Variants in DIPK2B observed in about 807,000 individuals in gnomAD.
DIPK2B encodes the protein UPF0672 protein CXorf36.
Under a neutral mutation model 22.2 loss-of-function variants are expected in DIPK2B, and 15 were observed. The observed-to-expected ratio is 0.68, with a 90% CI of 0.45 to 1.04. The LOEUF is 1.04. Among genes scored for constraint, DIPK2B ranks in the 50% least tolerant of loss-of-function variants. The pLI is 0.00. For synonymous variants in DIPK2B, 163 were observed against 153.2 expected, an observed-to-expected ratio of 1.06 and a Z score of -0.47; for missense variants, 345 against 348.3, an observed-to-expected ratio of 0.99 and a Z score of 0.08.
At chrX:45,176,656 G>T (rs1227748309) in intron 2 of DIPK2B, among the ~76,000 whole-genome samples, 1 of 111,804 alleles carries the variant, frequency 8.9e-6, no homozygotes, top group Non-Finnish European at 1.9e-5. Flanking sequence ...TGTTGGAAGG[G>T]AAATCAGTAT....
At chrX:45,188,583 T>G (rs2047195614) in intron 2 of DIPK2B, among the ~76,000 whole-genome samples, 1 of 112,428 alleles carries the variant, frequency 8.9e-6, no homozygotes, top group African/African-American at 3.2e-5. Context: ...GAAGTAAAAT[T>G]CATATAACAT....
chrX:45,162,358 C>T (rs2047026414), intron 2 of DIPK2B: 1 of 749,371 alleles, frequency 1.3e-6, no homozygotes, highest in African/African-American at 2.3e-5. Flanking sequence ...CAATAGATAA[C>T]TGCTATATTT....
intron 3 of DIPK2B, among the ~76,000 whole-genome samples, chrX:45,156,921 C>T (rs1435493126): frequency 9.2e-6 from 1 of 108,145 alleles, no homozygotes; most frequent in Non-Finnish European, 1.9e-5. Context: ...CTTCCTTTCC[C>T]TCTCCTCCTC....
At position 45,148,559 on chromosome X, in the gene DIPK2B, C is replaced by T. The variant is rs1454141825; in HGVS notation, c.*3093G>A. ...AGGGAGAGTTGGGGGAGGGACGTGC[C>T]ACACTCTTTTAAACAACCACATCTT... On this transcript the variant is annotated 3_prime_UTR_variant, in exon 5 of 5. Transcript: ENST00000398000. The T allele has an allele frequency of 1.8e-5, 2 of 108,743 alleles. No homozygotes were observed. The highest frequency in any genetic ancestry group is 3.8e-5 in the Non-Finnish European group (2 of 52,439). 9.0% of individuals were successfully genotyped at this position (108,743 alleles called of 1,213,427 possible).
At position 45,197,629 on chromosome X, in the gene DIPK2B, C is replaced by A. The variant is rs138005145; in HGVS notation, c.233+2965G>T. ...TAGAAAGAGAGGCAAAGGATGTGAA[C>A]CTGTAGACAGTTTAGCAAAGAAGAA... On this transcript the variant is annotated intron_variant, in intron 1 of 4. Coordinates refer to ENST00000398000, the MANE Select transcript of DIPK2B (RefSeq NM_176819.4). Among the ~76,000 whole-genome samples, 113 of 111,834 alleles carry A rather than the reference C, an allele frequency of 1.0e-3. No individual in the cohort carries two copies. In the East Asian group the frequency reaches 0.021, roughly 21 times the overall value.
chrX:45,175,999 G>C (rs1194949989), intron 2 of DIPK2B, among the ~76,000 whole-genome samples: 1 of 108,973 alleles, frequency 9.2e-6, no homozygotes, highest in Non-Finnish European at 1.9e-5. Flanking sequence ...TGTAGGGGAG[G>C]AGCACTTTGT....
intron 2 of DIPK2B, among the ~76,000 whole-genome samples, chrX:45,178,411 C>G (rs1019238789): frequency 3.6e-5 from 4 of 111,212 alleles, no homozygotes; most frequent in African/African-American, 6.6e-5. Context: ...CAGAATATAC[C>G]TGGTATCAGA....
intron 2 of DIPK2B, chrX:45,162,322 A>G (rs1322815461): frequency 4.4e-6 from 3 of 675,797 alleles, no homozygotes; most frequent in African/African-American, 4.8e-5. Flanking sequence ...TTAAGCCACT[A>G]TGTGTTGAAA....
intron 2 of DIPK2B, among the ~76,000 whole-genome samples, chrX:45,166,858 A>G (rs932278838): frequency 6.2e-5 from 7 of 112,238 alleles, no homozygotes; most frequent in Non-Finnish European, 1.3e-4. Context: ...TGGAAGGCTG[A>G]GGGAAATCTT....
intron 1 of DIPK2B, among the ~76,000 whole-genome samples, chrX:45,199,833 A>G (rs1213427912): frequency 9.0e-6 from 1 of 111,456 alleles, no homozygotes; most frequent in Non-Finnish European, 1.9e-5. Context: ...TGGCTGTGGT[A>G]AAGGCTCATG....
In DIPK2B at chrX:45,154,190, A is replaced by G; in HGVS notation, c.681T>C (p.Pro227=). ...NSHPILLQIF[P]GAEGWPLPKY... Reference sequence around the variant, plus strand: ...TGGGCAGCGGCCATCCCTCAGCCCCAGGGAAGATCTGCCAAGCCAGAAGGA... The same window carrying G: ...TGGGCAGCGGCCATCCCTCAGCCCCGGGGAAGATCTGCCAAGCCAGAAGGA... Residue 227 remains proline, a synonymous_variant, in exon 4 of 5, where the codon CCT becomes CCC. Transcript: ENST00000398000. 8.3e-7 allele frequency: 1 copy of G among 1,198,627 alleles called. No homozygotes were observed. The highest frequency in any genetic ancestry group is 3.0e-5 in the East Asian group (1 of 33,515).
chrX:45,151,862 C>A lies in DIPK2B; in HGVS notation c.1092G>T (p.Lys364Asn), dbSNP rs142916210. The A allele has an allele frequency of 8.3e-7, 1 of 1,211,460 alleles. No individual in the cohort carries two copies. Among genetic ancestry groups the A allele is most frequent in the East Asian group, 3.0e-5 (1 of 33,825 alleles). ...EKQSLVLVCQ[K>N]LLPRLLQGRF... ...TCCCCTGGAGAAGTCGAGGCAGCAA[C>A]TTCTGACACACCAGCACCAGGCTCT... Residue 364 changes from lysine to asparagine, a missense_variant, in exon 5 of 5, where the codon AAG becomes AAT. By Grantham distance (94) the Lys-to-Asn change is moderately conservative (BLOSUM62 0). Transcript: ENST00000398000.
rs756358717 is a variant in DIPK2B at position 45,153,949 on chromosome X, G to A, written c.922C>T (p.Arg308Trp). ...GVFNNGHLFI[R>W]DASAVGVIDK... Reference sequence around the variant, plus strand: ...ATGACGCCCACTGCACTGGCATCCCGGATGAACAGATGCCCGTTGTTAAAG... The same window carrying A: ...ATGACGCCCACTGCACTGGCATCCCAGATGAACAGATGCCCGTTGTTAAAG... Residue 308 changes from arginine (R) to tryptophan (W), a missense_variant, in exon 4 of 5, where the codon CGG (arginine) becomes TGG (tryptophan). By Grantham distance (101) the Arg-to-Trp change is moderately radical. Transcript: ENST00000398000. 1.4e-5 allele frequency: 17 copies of A among 1,207,707 alleles called. No individual in the cohort carries two copies. Among genetic ancestry groups the A allele is most frequent in the Middle Eastern group, 2.3e-4 (1 of 4,369 alleles).
At chrX:45,172,992 T>C (rs1377839581) in intron 2 of DIPK2B, among the ~76,000 whole-genome samples, 5 of 111,584 alleles carry the variant, frequency 4.5e-5, no homozygotes, top group Non-Finnish European at 5.6e-5. Flanking sequence ...AGGAAAACCC[T>C]CACACTTGCC....
chrX:45,157,954 A>T, intron 2 of DIPK2B, 66 bp from the exon 3 acceptor site: 1 of 440,928 alleles, frequency 2.3e-6, no homozygotes, highest in Non-Finnish European at 2.9e-6. Context: ...GTGGGGGGTT[A>T]GCAGGAGGGG....
At chrX:45,197,487 C>T (rs1008672215) in intron 1 of DIPK2B, among the ~76,000 whole-genome samples, 4 of 111,688 alleles carry the variant, frequency 3.6e-5, no homozygotes, top group African/African-American at 6.5e-5. Context: ...TTGCCCGCCT[C>T]GGCCTCCCAA....
At chrX:45,200,868 CGAGGCTGTACA>C in exon 1 of DIPK2B, 1 of 1,066,967 alleles carries the variant, frequency 9.4e-7, no homozygotes, top group Non-Finnish European at 1.3e-6. Flanking sequence ...GCTGTCCACT[CGAGGCTGTACA>C]GAGGCAGGGC....
Position 45,184,127 on chromosome X carries a change from G to A in DIPK2B, c.498+7624C>T, listed in dbSNP as rs192765487. ...GAAGCTTCAATATGAGAGGAATGCC[G>A]AGATGAAAAAGAGAACTGGGGATGT... is the stretch of plus-strand genomic sequence containing the variant. On this transcript the variant is annotated intron_variant, in intron 2 of 4. Transcript: ENST00000398000. Among the ~76,000 whole-genome samples the A allele has an allele frequency of 6.9e-4, 77 of 111,647 alleles. No homozygotes were observed. In the East Asian group the frequency reaches 0.012, roughly 17 times the overall value.
At chrX:45,187,414 A>G (rs1423095563) in intron 2 of DIPK2B, among the ~76,000 whole-genome samples, 1 of 111,263 alleles carries the variant, frequency 9.0e-6, no homozygotes, top group African/African-American at 3.3e-5. Flanking sequence ...TTTAGAGGAG[A>G]AAAGTCACGA....
Sources: gnomAD v4.1 joint callset for allele counts (sites outside exome capture counted in the v4.1 genomes callset) on GRCh38, gnomAD v4.1.1 for gene constraint, MANE v1.5 for transcripts, NCBI Gene and HGNC (gene_info 2026-07-23, HGNC 2026-07-21) for gene names.